Variants in YIPF7 observed in about 807,000 individuals in gnomAD.
The protein encoded by YIPF7 is protein YIPF7.
A neutral mutation model predicts 27.2 loss-of-function variants in YIPF7; 35 were observed. The ratio of observed to expected loss-of-function variants is 1.29; its 90% confidence interval spans 0.98 to 1.70. The LOEUF (loss-of-function observed/expected upper bound fraction) is 1.70. YIPF7 is among the 40% of genes most tolerant of loss of function. YIPF7 has a pLI of 0.00. For synonymous variants in YIPF7, 137 were observed against 110.4 expected (o/e 1.24, Z -1.51); for missense variants, 358 against 303.7 (o/e 1.18, Z -1.33).
At position 44,622,216 on chromosome 4, in the gene YIPF7, G is replaced by T; in HGVS notation, c.*198C>A. 1.6e-6 allele frequency: 1 copy of T among 627,780 alleles called. No homozygotes were observed. The highest frequency in any genetic ancestry group is 2.7e-6 in the Non-Finnish European group (1 of 367,126). The allele number at this position is 627,780 out of a possible 1,614,324, so 38.9% of individuals were successfully genotyped here. On this transcript the variant is annotated 3_prime_UTR_variant, in exon 6 of 6. Coordinates refer to ENST00000415895, the MANE Select transcript of YIPF7 (RefSeq NM_182592.3). Reference sequence around the variant, plus strand: ...TTTAAGTATTTTGAAATGTTTTAATGCACCAAACTCAAAAGCAAAACATCA... The same window carrying T: ...TTTAAGTATTTTGAAATGTTTTAATTCACCAAACTCAAAAGCAAAACATCA...
At chr4:44,643,116 T>G (rs993819538) in intron 2 of YIPF7, among the ~76,000 whole-genome samples, 1 of 152,170 alleles carries the variant, frequency 6.6e-6, no homozygotes, top group Non-Finnish European at 1.5e-5. Flanking sequence ...ACTTGTTAAA[T>G]TGTTATGACC....
chr4:44,623,625 A>G (rs1348416750), intron 5 of YIPF7, among the ~76,000 whole-genome samples: 1 of 152,216 alleles, frequency 6.6e-6, no homozygotes, highest in African/African-American at 2.4e-5. Flanking sequence ...AAACAAACAT[A>G]TTTTTAAAAC....
At chr4:44,661,910 T>C (rs1323268284) in intron 1 of YIPF7, among the ~76,000 whole-genome samples, 3 of 152,218 alleles carry the variant, frequency 2.0e-5, no homozygotes, top group East Asian at 1.9e-4. Flanking sequence ...AGCCAGCAGA[T>C]AGAGTTCTTG....
At chr4:44,651,013 T>A (rs568573334) in intron 1 of YIPF7, among the ~76,000 whole-genome samples, 1 of 152,232 alleles carries the variant, frequency 6.6e-6, no homozygotes, top group Non-Finnish European at 1.5e-5. Context: ...AACCTTGTTA[T>A]TTTAAAAGAG....
At chr4:44,629,615 T>C in intron 3 of YIPF7, 67 bp from the exon 4 acceptor site, 1 of 1,192,854 alleles carries the variant, frequency 8.4e-7, no homozygotes, top group Non-Finnish European at 1.1e-6. Flanking sequence ...TAAGTTACAC[T>C]CTTTAAAGGT....
At chr4:44,637,572 GC>G (rs1482310722) in intron 2 of YIPF7, among the ~76,000 whole-genome samples, 1 of 151,912 alleles carries the variant, frequency 6.6e-6, no homozygotes, top group Non-Finnish European at 1.5e-5. Context: ...TCATATTCTT[GC>G]CCACTTTTTT....
chr4:44,624,907 C>T, intron 4 of YIPF7, 125 bp from the exon 5 acceptor site: 1 of 824,442 alleles, frequency 1.2e-6, no homozygotes, highest in Admixed American at 3.5e-5. Context: ...GTAGGACTGT[C>T]ATCAGGAGAC....
upstream of YIPF7, among the ~76,000 whole-genome samples, chr4:44,654,829 G>T (rs1318043777): frequency 6.6e-6 from 1 of 151,832 alleles, no homozygotes. Flanking sequence ...TATCAGCCTG[G>T]TTGAAGTCAC....
At chr4:44,645,759 A>C (rs935242055) in intron 2 of YIPF7, among the ~76,000 whole-genome samples, 2 of 152,192 alleles carry the variant, frequency 1.3e-5, no homozygotes, top group African/African-American at 4.8e-5. Context: ...CTCTTCCTTT[A>C]AAAATCACTT....
intron 2 of YIPF7, among the ~76,000 whole-genome samples, chr4:44,646,991 G>A (rs958444754): frequency 1.3e-5 from 2 of 152,058 alleles, no homozygotes; most frequent in East Asian, 1.9e-4. Flanking sequence ...TTCCTTTGAC[G>A]TACATAGTAA....
intron 3 of YIPF7, among the ~76,000 whole-genome samples, chr4:44,632,543 C>A (rs1488692366): frequency 6.6e-6 from 1 of 151,994 alleles, no homozygotes; most frequent in African/African-American, 2.4e-5. Context: ...TACATAAAAC[C>A]AAACAAATAT....
intron 1 of YIPF7, among the ~76,000 whole-genome samples, chr4:44,661,855 G>T (rs1172239609): frequency 6.6e-6 from 1 of 152,194 alleles, no homozygotes; most frequent in Non-Finnish European, 1.5e-5. Flanking sequence ...TGGGGACTTG[G>T]TCTTTAATTA....
chr4:44,644,766 T>G (rs1358810694), intron 2 of YIPF7, among the ~76,000 whole-genome samples: 1 of 152,096 alleles, frequency 6.6e-6, no homozygotes, highest in African/African-American at 2.4e-5. Flanking sequence ...AAGGATATGG[T>G]CTGGATCTGT....
upstream of YIPF7, among the ~76,000 whole-genome samples, chr4:44,654,451 CT>C (rs1297863373): frequency 1.4e-4 from 21 of 151,926 alleles, no homozygotes; most frequent in East Asian, 3.1e-3. Context: ...TCTCTCCCCC[CT>C]CTCTCCTTAC....
chr4:44,637,412 T>A (rs1423652129), intron 2 of YIPF7, among the ~76,000 whole-genome samples: 1 of 152,228 alleles, frequency 6.6e-6, no homozygotes, highest in African/African-American at 2.4e-5. Context: ...CATCTGTTAC[T>A]TTTTGTCATT....
intron 4 of YIPF7, among the ~76,000 whole-genome samples, chr4:44,628,505 T>C (rs1486650466): frequency 6.6e-6 from 1 of 152,174 alleles, no homozygotes; most frequent in Middle Eastern, 3.2e-3. Flanking sequence ...TAATGTTTAA[T>C]TTCCCATATT....
rs552707404 is a variant in YIPF7 at position 44,623,444 on chromosome 4, C to A, written c.609-868G>T. On this transcript the variant is annotated intron_variant, in intron 5 of 5. Transcript: ENST00000415895. ...TCAAGATCTCTCCTAGCATAGTACT[C>A]TTTTCACCACCAAACTAAACTGCCT... is the stretch of plus-strand genomic sequence containing the variant. Among the ~76,000 whole-genome samples the A allele has an allele frequency of 3.3e-5, 5 of 152,284 alleles. No individual in the cohort carries two copies. In the South Asian group the frequency reaches 1.0e-3, roughly 32 times the overall value.
In YIPF7 at chr4:44,635,829, C is replaced by T. The variant is rs1713094559; in HGVS notation, c.280+93G>A. 4 of 1,385,730 alleles carry T rather than the reference C, an allele frequency of 2.9e-6. No individual in the cohort carries two copies. In the Middle Eastern group the frequency reaches 6.7e-4, roughly 234 times the overall value. 85.8% of individuals were successfully genotyped at this position (1,385,730 alleles called of 1,614,324 possible). On this transcript the variant is annotated intron_variant, in intron 3 of 5. Coordinates refer to ENST00000415895, the MANE Select transcript of YIPF7 (RefSeq NM_182592.3). ...ATGTGAAACAATCAAACATAAGACA[C>T]TGTACACTGCAGGCTGACAGCACAC... is the stretch of plus-strand genomic sequence containing the variant.
intron 4 of YIPF7, among the ~76,000 whole-genome samples, chr4:44,628,347 T>C (rs975750728): frequency 2.0e-5 from 3 of 151,966 alleles, no homozygotes; most frequent in Non-Finnish European, 4.4e-5. Context: ...TATACAATAA[T>C]TGAAAAGCAG....
Sources: allele counts gnomAD v4.1 joint callset (sites outside exome capture counted in the v4.1 genomes callset), GRCh38; gene constraint gnomAD v4.1.1; transcripts MANE v1.5; gene names NCBI Gene and HGNC (gene_info 2026-07-23, HGNC 2026-07-21).